STPG2: variants seen among roughly 807,000 people sequenced by gnomAD.
STPG2 encodes sperm-tail PG-rich repeat-containing protein 2.
A neutral mutation model predicts 54.2 loss-of-function variants in STPG2; 56 were observed. That is an observed-to-expected ratio of 1.03 (90% CI 0.83 to 1.29). The LOEUF (loss-of-function observed/expected upper bound fraction) is 1.29. STPG2 is among the 50% of genes most tolerant of loss of function. STPG2 has a pLI of 0.00. For missense variants in STPG2, 596 were observed against 544.9 expected (o/e 1.09, Z -0.93); for synonymous variants, 200 against 181.8 (o/e 1.10, Z -0.81).
chr4:97,914,347 AAACTT>A (rs545195652), intron 8 of STPG2, among the ~76,000 whole-genome samples: 254 of 152,342 alleles, frequency 1.7e-3, no homozygotes, highest in Middle Eastern at 3.4e-3. Context: ...ATACTGAACT[AAACTT>A]AAGAAAACAG....
chr4:98,008,352 C>A (rs935510601), intron 5 of STPG2, among the ~76,000 whole-genome samples: 1 of 151,740 alleles, frequency 6.6e-6, no homozygotes, highest in African/African-American at 2.4e-5. Context: ...TCAGAATAAC[C>A]TTCACAAATG....
intron 10 of STPG2, among the ~76,000 whole-genome samples, chr4:97,627,872 A>G (rs1231032672): frequency 6.6e-6 from 1 of 152,106 alleles, no homozygotes; most frequent in African/African-American, 2.4e-5. Context: ...GGGCTGATGG[A>G]TAAGTTTTAG....
At chr4:97,580,584 A>C (rs1430799232) in intron 10 of STPG2, among the ~76,000 whole-genome samples, 2 of 151,234 alleles carry the variant, frequency 1.3e-5, no homozygotes, top group Non-Finnish European at 3.0e-5. Context: ...CACACACACA[A>C]AGAGAATTAT....
intron 7 of STPG2, among the ~76,000 whole-genome samples, chr4:97,957,165 T>TATATATGTGAA (rs70953096): frequency 0.27 from 34,205 of 125,806 alleles, 4,730 homozygotes; most frequent in Middle Eastern, 0.33. Flanking sequence ...ATATATGAAA[T>TATATATGTGAA]ATATATGTGA....
At chr4:98,079,506 T>C (rs1738271986) in intron 5 of STPG2, among the ~76,000 whole-genome samples, 1 of 152,190 alleles carries the variant, frequency 6.6e-6, no homozygotes, top group African/African-American at 2.4e-5. Context: ...CAAAGATGAG[T>C]ATTTCAGGTA....
At chr4:97,915,384 T>C (rs1031321907) in intron 8 of STPG2, among the ~76,000 whole-genome samples, 3 of 152,138 alleles carry the variant, frequency 2.0e-5, no homozygotes, top group Admixed American at 6.5e-5. Flanking sequence ...CCATTTTATA[T>C]AGGGAGAAAA....
chr4:98,055,991 A>T (rs920240868), intron 5 of STPG2, among the ~76,000 whole-genome samples: 29 of 151,856 alleles, frequency 1.9e-4, no homozygotes, highest in African/African-American at 6.3e-4. Flanking sequence ...CCCTCCCCAT[A>T]CGGCAGCTTT....
chr4:97,736,799 G>C (rs1725015270), intron 9 of STPG2, among the ~76,000 whole-genome samples: 1 of 152,214 alleles, frequency 6.6e-6, no homozygotes, highest in South Asian at 2.1e-4. Flanking sequence ...CAAACAAAAA[G>C]ACAGCAGTAA....
rs1211885980 is a variant in STPG2, at chr4:97,620,615, C to A, written c.1321-61498G>T. ...CCTAAGTATCCTAAATGTATATGCA[C>A]CCAACATAGGAGTACCCAGATTCAT... On this transcript the variant is annotated intron_variant, in intron 10 of 10. Coordinates refer to ENST00000295268, the MANE Select transcript of STPG2 (RefSeq NM_174952.3). Among the ~76,000 whole-genome samples the A allele has an allele frequency of 2.0e-5, 3 of 152,096 alleles. No homozygotes were observed. The East Asian group carries it at 5.8e-4, about 29-fold the overall frequency.
At chr4:97,952,558 C>T (rs977955940) in intron 7 of STPG2, among the ~76,000 whole-genome samples, 1 of 152,122 alleles carries the variant, frequency 6.6e-6, no homozygotes, top group African/African-American at 2.4e-5. Flanking sequence ...GGTCTAGTAA[C>T]CCAGTGGAGT....
At chr4:98,055,699 T>C (rs1292420374) in intron 5 of STPG2, among the ~76,000 whole-genome samples, 1 of 152,130 alleles carries the variant, frequency 6.6e-6, no homozygotes, top group Non-Finnish European at 1.5e-5. Context: ...GGGACAGCCA[T>C]CCCTCTAGGC....
Position 97,593,975 on chromosome 4 carries a change from A to G in STPG2, c.1321-34858T>C, listed in dbSNP as rs534157877. 5.0e-4 allele frequency among the ~76,000 whole-genome samples: 76 copies of G among 152,310 alleles called. 1 individual carries two copies. The highest frequency in any genetic ancestry group is 1.7e-3 in the African/African-American group (71 of 41,564). On this transcript the variant is annotated intron_variant, in intron 10 of 10. Transcript: ENST00000295268. ...ACAATCAAAACTCCCAAGGACAGCAAAGAAGATAAAAGCATAAAGCCCCAT... is the reference window on the plus strand; with the variant it reads ...ACAATCAAAACTCCCAAGGACAGCAGAGAAGATAAAAGCATAAAGCCCCAT...
intron 7 of STPG2, among the ~76,000 whole-genome samples, chr4:97,951,598 G>A (rs1000518095): frequency 4.6e-5 from 7 of 151,864 alleles, no homozygotes; most frequent in Non-Finnish European, 1.0e-4. Flanking sequence ...CCCTGTGTGA[G>A]AGCTTTAGTT....
At chr4:97,890,118 C>A (rs1235787388) in intron 8 of STPG2, among the ~76,000 whole-genome samples, 1 of 151,946 alleles carries the variant, frequency 6.6e-6, no homozygotes, top group Non-Finnish European at 1.5e-5. Flanking sequence ...CTTCTCAAAC[C>A]AAGAACTAGT....
At chr4:97,666,224 C>T (rs950095602) in intron 10 of STPG2, among the ~76,000 whole-genome samples, 2 of 152,188 alleles carry the variant, frequency 1.3e-5, no homozygotes, top group Admixed American at 1.3e-4. Flanking sequence ...GTTCCTGGCT[C>T]CCATTGGCTC....
chr4:97,600,402 G>T (rs980349593), intron 10 of STPG2, among the ~76,000 whole-genome samples: 1 of 152,016 alleles, frequency 6.6e-6, no homozygotes, highest in Non-Finnish European at 1.5e-5. Context: ...AAAATACTAT[G>T]TATAAAATAA....
At chr4:97,494,899 C>A (rs1340748386) in intron 4 of STPG2, among the ~76,000 whole-genome samples, 1 of 151,358 alleles carries the variant, frequency 6.6e-6, no homozygotes, top group Non-Finnish European at 1.5e-5. Context: ...AATATATACG[C>A]CACATACTTA....
At chr4:98,010,596 ATGTGTTTTGGT>A (rs1477660188) in intron 5 of STPG2, among the ~76,000 whole-genome samples, 1 of 152,120 alleles carries the variant, frequency 6.6e-6, no homozygotes, top group Admixed American at 6.6e-5. Context: ...CAGCCACTAT[ATGTGTTTTGGT>A]TGAAGAATTT....
intron 4 of STPG2, among the ~76,000 whole-genome samples, chr4:97,514,567 T>C (rs1233873652): frequency 6.6e-6 from 1 of 152,150 alleles, no homozygotes; most frequent in Non-Finnish European, 1.5e-5. Context: ...AAGCATATGA[T>C]TTACTATGAC....
Sources: gnomAD v4.1 joint callset for allele counts (sites outside exome capture counted in the v4.1 genomes callset) on GRCh38, gnomAD v4.1.1 for gene constraint, MANE v1.5 for transcripts, NCBI Gene and HGNC (gene_info 2026-07-23, HGNC 2026-07-21) for gene names.